The following CDH23 variants were observed in gnomAD, a reference collection of about 807,000 sequenced individuals.
CDH23 encodes the protein cadherin-23.
In CDH23, 189 loss-of-function variants were observed where a neutral mutation model predicts 317.1. The observed-to-expected ratio is 0.60, with a 90% CI of 0.53 to 0.67. The LOEUF is 0.67. CDH23 is among the 30% of genes least tolerant of loss of function. The probability of loss-of-function intolerance (pLI) is 0.00; values close to 1 mark genes in which losing one functional copy is unlikely to be tolerated. For missense variants in CDH23, 4,401 were observed against 4,592.4 expected (o/e 0.96, Z 1.20); for synonymous variants, 1,839 against 1,876.8 (o/e 0.98, Z 0.52).
chr10:71,480,149 C>G (rs1013686344), intron 3 of CDH23, among the ~76,000 whole-genome samples: 1 of 152,192 alleles, frequency 6.6e-6, no homozygotes, highest in Non-Finnish European at 1.5e-5. Flanking sequence ...CTCCTGTGGC[C>G]CATTGGCCAG....
At chr10:71,515,141 G>C (rs1338935618) in intron 6 of CDH23, among the ~76,000 whole-genome samples, 2 of 152,190 alleles carry the variant, frequency 1.3e-5, no homozygotes, top group Non-Finnish European at 2.9e-5. Context: ...GGCTCACTGG[G>C]TCAGGGAATC....
chr10:71,641,481 C>A lies in CDH23; in HGVS notation c.1135-2380C>A, dbSNP rs188937891. 4.6e-5 allele frequency among the ~76,000 whole-genome samples: 7 copies of A among 152,282 alleles called. No individual in the cohort carries two copies. In the East Asian group the frequency reaches 1.2e-3, roughly 25 times the overall value. ...GGACTCCAAGCTTCTCGACATGGAC[C>A]CTTTGCAAATAATAAGTCATTGATG... On this transcript the variant is annotated intron_variant, in intron 11 of 69. Coordinates refer to ENST00000224721, the MANE Select transcript of CDH23 (RefSeq NM_022124.6).
intron 2 of CDH23, 117 bp downstream of exon 2, chr10:71,440,015 T>C: frequency 1.2e-6 from 1 of 804,560 alleles, no homozygotes; most frequent in Admixed American, 2.1e-5. Context: ...AGACACTGTC[T>C]TACTGTGTGA....
At chr10:71,490,671 A>G (rs1173909743) in intron 3 of CDH23, among the ~76,000 whole-genome samples, 5 of 152,260 alleles carry the variant, frequency 3.3e-5, no homozygotes, top group Admixed American at 6.5e-5. Flanking sequence ...CCACCCTGAT[A>G]TCTTATGAAT....
At chr10:71,420,488 G>A (rs796870310) in intron 1 of CDH23, among the ~76,000 whole-genome samples, 11 of 45,764 alleles carry the variant, frequency 2.4e-4, no homozygotes, top group Non-Finnish European at 3.3e-4. Context: ...GATGGTGATG[G>A]TGATGATGGT....
intron 34 of CDH23, among the ~76,000 whole-genome samples, chr10:71,735,076 A>G (rs1402957178): frequency 1.3e-5 from 2 of 152,236 alleles, no homozygotes; most frequent in Non-Finnish European, 1.5e-5. Flanking sequence ...GGAAGCAGCA[A>G]GAGATTGCAG....
At chr10:71,432,498 CAGTGTGTGGGTGAGTGTG>C (rs1564576435) in intron 1 of CDH23, among the ~76,000 whole-genome samples, 1 of 142,928 alleles carries the variant, frequency 7.0e-6, no homozygotes, top group Non-Finnish European at 1.5e-5. Context: ...TGTGTGTGTG[CAGTGTGTGGGTGAGTGTG>C]AGTGTGTGGG....
At chr10:71,420,460 A>AATGATGACGGTGATG (rs1848722294) in intron 1 of CDH23, among the ~76,000 whole-genome samples, 1 of 9,260 alleles carries the variant, frequency 1.1e-4, no homozygotes, top group Non-Finnish European at 2.0e-4. Flanking sequence ...TGGTGATGAT[A>AATGATGACGGTGATG]ATGATGATGG....
chr10:71,625,396 TAAAAAAAA>T (rs1156772192), intron 11 of CDH23, among the ~76,000 whole-genome samples: 6 of 19,836 alleles, frequency 3.0e-4, no homozygotes, highest in African/African-American at 4.9e-4. Flanking sequence ...CCAAATAAAT[TAAAAAAAA>T]AAAAAAAAAA....
chr10:71,669,707 C>A (rs1279101358), intron 14 of CDH23, among the ~76,000 whole-genome samples: 1 of 152,156 alleles, frequency 6.6e-6, no homozygotes, highest in Non-Finnish European at 1.5e-5. Flanking sequence ...CTTGGCCTCC[C>A]AAAGTGCTGG....
intron 38 of CDH23, among the ~76,000 whole-genome samples, chr10:71,745,959 A>G (rs1839845047): frequency 6.6e-6 from 1 of 152,204 alleles, no homozygotes; most frequent in Admixed American, 6.5e-5. Context: ...TGGCTTCAAA[A>G]TGGCCTTCAC....
rs765965271 is a variant in CDH23 at position 71,731,987 on chromosome 10, G to C, written c.3716G>C (p.Gly1239Ala). 2.5e-6 allele frequency: 4 copies of C among 1,613,206 alleles called. No individual in the cohort carries two copies. Among genetic ancestry groups the C allele is most frequent in the Non-Finnish European group, 2.5e-6 (3 of 1,179,416 alleles). ...IVVQATDRDS[G>A]DGGLVNYRIL... Reference sequence around the variant, plus strand: ...GCACAGCCTCTGTGTCCTCCTACAGGGGATGGTGGCCTGGTGAACTACCGC... The same window carrying C: ...GCACAGCCTCTGTGTCCTCCTACAGCGGATGGTGGCCTGGTGAACTACCGC... Residue 1239 changes from glycine (G) to alanine (A), a missense_variant and splice_region_variant, in exon 32 of 70, where the codon GGG becomes GCG. Physicochemically the swap from Gly to Ala is moderately conservative, Grantham distance 60 (BLOSUM62 0). This residue lies in a region of CDH23 where 3,068 missense variants were observed against 3,203.3 expected (regional missense o/e 0.96). Transcript: ENST00000224721.
rs1284988288 is a variant in CDH23 at position 71,739,851 on chromosome 10, G to T, written c.4488+79G>T. On this transcript the variant is annotated intron_variant, in intron 36 of 69. Transcript: ENST00000224721. ...GTCACTACTCTCCATCCAGGAGAGA[G>T]CCTGTCCATCAGCACACTCTGGTGG... 4 of 1,456,984 alleles carry T rather than the reference G, an allele frequency of 2.7e-6. No homozygotes were observed. The East Asian group carries it at 7.1e-5, about 26-fold the overall frequency. 90.3% of individuals were successfully genotyped at this position (1,456,984 alleles called of 1,614,324 possible).
chr10:71,599,011 CCCACCCCACACT>C (rs1003410711), intron 9 of CDH23, among the ~76,000 whole-genome samples: 1 of 152,108 alleles, frequency 6.6e-6, no homozygotes, highest in Admixed American at 6.5e-5. Flanking sequence ...AACCACCCAC[CCCACCCCACACT>C]CCACCCCACA....
At chr10:71,663,464 G>A (rs1314079606) in intron 14 of CDH23, among the ~76,000 whole-genome samples, 1 of 152,168 alleles carries the variant, frequency 6.6e-6, no homozygotes, top group Non-Finnish European at 1.5e-5. Flanking sequence ...AGGAAGCCCT[G>A]ACTGACTCAT....
intron 1 of CDH23, among the ~76,000 whole-genome samples, chr10:71,417,550 T>C (rs1310333030): frequency 6.6e-6 from 1 of 152,224 alleles, no homozygotes; most frequent in Non-Finnish European, 1.5e-5. Context: ...ATTATACACA[T>C]GTACTAGATA....
chr10:71,702,250 AGGCTGC>A (rs762596618), intron 23 of CDH23, 39 bp downstream of exon 23: 51 of 1,593,164 alleles, frequency 3.2e-5, no homozygotes, highest in Non-Finnish European at 4.2e-5. Context: ...CCCACACCTT[AGGCTGC>A]GGGTGTCCCT....
chr10:71,731,175 C>T lies in CDH23; in HGVS notation c.3715+571C>T, dbSNP rs376740190. 1.8e-4 allele frequency among the ~76,000 whole-genome samples: 28 copies of T among 152,262 alleles called. No homozygotes were observed. The East Asian group carries it at 2.5e-3, about 14-fold the overall frequency. On this transcript the variant is annotated intron_variant, in intron 31 of 69. Coordinates refer to ENST00000224721, the MANE Select transcript of CDH23 (RefSeq NM_022124.6). ...AGCATGCCGGGTCTCTGTGGCCCTC[C>T]GTGCGGCCTGGGCTGTCTGGCCTGT...
At chr10:71,764,826 G>T (rs1219175587) in intron 38 of CDH23, among the ~76,000 whole-genome samples, 1 of 152,216 alleles carries the variant, frequency 6.6e-6, no homozygotes, top group Non-Finnish European at 1.5e-5. Flanking sequence ...CTGACCCACA[G>T]ACTCAAGAGA....
Sources: gnomAD v4.1 joint callset for allele counts (sites outside exome capture counted in the v4.1 genomes callset) on GRCh38, gnomAD v4.1.1 for gene constraint, gnomAD v4.1.1 regional missense constraint, MANE v1.5 for transcripts, NCBI Gene and HGNC (gene_info 2026-07-23, HGNC 2026-07-21) for gene names.